Variants in TLCD4 observed in about 807,000 individuals in gnomAD.
The protein encoded by TLCD4 is TLC domain containing 4, also known as TLC domain-containing protein 4.
In TLCD4, 7 loss-of-function variants were observed where a neutral mutation model predicts 24.2. The ratio of observed to expected loss-of-function variants is 0.29; its 90% CI spans 0.16 to 0.54. The LOEUF (loss-of-function observed/expected upper bound fraction) is 0.54, where lower values mean the gene tolerates loss of function less well. Among genes scored for constraint, TLCD4 ranks in the 20% least tolerant of loss-of-function variants. The pLI, the probability that TLCD4 is intolerant of heterozygous loss-of-function variation, is 0.95. For synonymous variants in TLCD4, 103 were observed against 106.4 expected, an observed-to-expected ratio of 0.97 and a Z score of 0.20; for missense variants, 259 against 313.9, an observed-to-expected ratio of 0.82 and a Z score of 1.32.
intron 6 of TLCD4, among the ~76,000 whole-genome samples, chr1:95,190,618 C>T (rs146281786): frequency 6.8e-4 from 103 of 152,008 alleles, no homozygotes; most frequent in African/African-American, 2.0e-3. Context: ...TGAGCCACTG[C>T]GCCTGGCTGG....
At chr1:95,145,473 A>G (rs568390553) in intron 2 of TLCD4, among the ~76,000 whole-genome samples, 1 of 152,290 alleles carries the variant, frequency 6.6e-6, no homozygotes, top group East Asian at 1.9e-4. Flanking sequence ...CCCAAAAAGC[A>G]AGAATTATTT....
chr1:95,146,443 C>G (rs1293872006), intron 2 of TLCD4, among the ~76,000 whole-genome samples: 1 of 151,980 alleles, frequency 6.6e-6, no homozygotes, highest in Non-Finnish European at 1.5e-5. Flanking sequence ...ATTTACACTA[C>G]TTGTGATTAG....
intron 5 of TLCD4, among the ~76,000 whole-genome samples, chr1:95,168,374 G>C (rs1020885360): frequency 1.3e-5 from 2 of 151,848 alleles, no homozygotes; most frequent in African/African-American, 4.8e-5. Context: ...TCTTCTACTT[G>C]CTTACCCACT....
At chr1:95,111,167 G>A in the TLCD4 span, among the ~76,000 whole-genome samples, 2 of 151,700 alleles carry the variant, frequency 1.3e-5, no homozygotes, top group Non-Finnish European at 2.9e-5. Flanking sequence ...GTGTGGTAGT[G>A]TGCACCTACC....
At chr1:95,182,436 C>G (rs1343818818) in intron 6 of TLCD4, among the ~76,000 whole-genome samples, 1 of 152,086 alleles carries the variant, frequency 6.6e-6, no homozygotes, top group Non-Finnish European at 1.5e-5. Context: ...TAAAAAGACA[C>G]ATACTCAGAA....
chr1:95,134,766 A>G (rs1676998914), intron 1 of TLCD4, among the ~76,000 whole-genome samples: 1 of 152,162 alleles, frequency 6.6e-6, no homozygotes, highest in Admixed American at 6.5e-5. Context: ...ATTTTCCTTG[A>G]CTAGAGTGAC....
At chr1:95,136,246 T>A (rs1677038403) in intron 1 of TLCD4, among the ~76,000 whole-genome samples, 1 of 152,106 alleles carries the variant, frequency 6.6e-6, no homozygotes, top group South Asian at 2.1e-4. Flanking sequence ...TGAAATTTGT[T>A]TTTTTTTGTG....
chr1:95,113,860 G>C (rs764951678), upstream of TLCD4, among the ~76,000 whole-genome samples: 12 of 151,992 alleles, frequency 7.9e-5, no homozygotes, highest in Non-Finnish European at 1.3e-4. Flanking sequence ...TGCCTCCATA[G>C]ATGCCTGGGA....
chr1:95,115,091 T>TATATATATACAC (rs1422216444), upstream of TLCD4, among the ~76,000 whole-genome samples: 4 of 146,342 alleles, frequency 2.7e-5, no homozygotes, highest in African/African-American at 1.0e-4. Context: ...ATACACATTA[T>TATATATATACAC]ATATATATAT....
rs1033200864 is a variant in TLCD4 at position 95,173,709 on chromosome 1, G to A, written c.400-107G>A. On this transcript the variant is annotated intron_variant, in intron 5 of 6. Coordinates refer to ENST00000370203, the MANE Select transcript of TLCD4 (RefSeq NM_152487.3). ...GTAGAAAACTTCTTGATCTGTTTTG[G>A]TATTGATTGTTATATTATGCTGAGA... 7.8e-6 allele frequency: 11 copies of A among 1,414,052 alleles called. No individual in the cohort carries two copies. In the African/African-American group the frequency reaches 1.6e-4, roughly 20 times the overall value. 87.6% of individuals were successfully genotyped at this position (1,414,052 alleles called of 1,614,324 possible).
chr1:95,183,334 G>A (rs1678712793), intron 6 of TLCD4, among the ~76,000 whole-genome samples: 1 of 152,170 alleles, frequency 6.6e-6, no homozygotes, highest in South Asian at 2.1e-4. Context: ...TGGACCCAGA[G>A]AAATGTGCCC....
At chr1:95,097,745 G>C in the TLCD4 span, among the ~76,000 whole-genome samples, 9 of 145,420 alleles carry the variant, frequency 6.2e-5, no homozygotes, top group East Asian at 1.8e-3. Flanking sequence ...TTTTATATAT[G>C]TTCCACTTAA....
chr1:95,101,073 A>G, the TLCD4 span, among the ~76,000 whole-genome samples: 1 of 151,646 alleles, frequency 6.6e-6, no homozygotes, highest in Non-Finnish European at 1.5e-5. Flanking sequence ...GTGCCCGGCT[A>G]CTTTTTGTAT....
intron 5 of TLCD4, among the ~76,000 whole-genome samples, chr1:95,167,990 C>T (rs1401878333): frequency 1.3e-5 from 2 of 152,100 alleles, no homozygotes; most frequent in Admixed American, 1.3e-4. Context: ...CTTCGTCACC[C>T]CCACGACCTG....
chr1:95,127,528 T>G (rs1404118015), intron 1 of TLCD4, among the ~76,000 whole-genome samples: 1 of 152,162 alleles, frequency 6.6e-6, no homozygotes, highest in Non-Finnish European at 1.5e-5. Context: ...TTCACAGAGT[T>G]GGCAAAAAGC....
intron 1 of TLCD4, among the ~76,000 whole-genome samples, chr1:95,130,320 T>A (rs932249930): frequency 6.6e-6 from 1 of 152,050 alleles, no homozygotes; most frequent in African/African-American, 2.4e-5. Context: ...ACCCAGCTAA[T>A]TTTTTGTATT....
At chr1:95,124,317 G>A (rs1008798401) in intron 1 of TLCD4, among the ~76,000 whole-genome samples, 9 of 152,208 alleles carry the variant, frequency 5.9e-5, no homozygotes, top group East Asian at 1.9e-4. Context: ...AAGAGAAGAG[G>A]CAAATGATCT....
At chr1:95,130,919 C>CT (rs1321300957) in intron 1 of TLCD4, among the ~76,000 whole-genome samples, 1 of 152,166 alleles carries the variant, frequency 6.6e-6, no homozygotes, top group Non-Finnish European at 1.5e-5. Flanking sequence ...AGTCAGTATA[C>CT]TTTCATGCGG....
intron 5 of TLCD4, among the ~76,000 whole-genome samples, chr1:95,156,464 A>G (rs1050165619): frequency 4.0e-5 from 6 of 151,812 alleles, no homozygotes. Flanking sequence ...CCAGCCCTGC[A>G]TTTTTGCTTT....
Sources: gnomAD v4.1 joint callset for allele counts (sites outside exome capture counted in the v4.1 genomes callset) on GRCh38, gnomAD v4.1.1 for gene constraint, MANE v1.5 for transcripts, NCBI Gene and HGNC (gene_info 2026-07-23, HGNC 2026-07-21) for gene names.